The following ZCCHC7 variants were observed in gnomAD, a reference collection of about 807,000 sequenced individuals.
ZCCHC7 encodes the protein zinc finger CCHC domain-containing protein 7.
A neutral mutation model predicts 52.0 loss-of-function variants in ZCCHC7; 35 were observed. The observed-to-expected ratio is 0.67, with a 90% confidence interval of 0.51 to 0.89. The LOEUF is 0.89. ZCCHC7 is among the 40% of genes least tolerant of loss of function. ZCCHC7 has a pLI of 0.00. For synonymous variants in ZCCHC7, 217 were observed against 221.5 expected (o/e 0.98, Z 0.18); for missense variants, 574 against 649.1 (o/e 0.88, Z 1.26).
chr9:37,299,261 C>G (rs925617791), intron 2 of ZCCHC7, among the ~76,000 whole-genome samples: 7 of 152,074 alleles, frequency 4.6e-5, no homozygotes, highest in Admixed American at 4.6e-4. Flanking sequence ...CTCTTTAAGG[C>G]GAATTACCTT....
At chr9:37,351,637 C>T (rs1221280896) in intron 7 of ZCCHC7, among the ~76,000 whole-genome samples, 4 of 152,172 alleles carry the variant, frequency 2.6e-5, no homozygotes, top group East Asian at 1.9e-4. Context: ...ATTATCATCT[C>T]TAGATCTTTT....
chr9:37,177,954 A>G (rs1822134496), intron 2 of ZCCHC7, among the ~76,000 whole-genome samples: 1 of 152,176 alleles, frequency 6.6e-6, no homozygotes, highest in Non-Finnish European at 1.5e-5. Flanking sequence ...AAAACTAAAG[A>G]AATCATGTAT....
chr9:37,159,659 C>A (rs1422527948), intron 2 of ZCCHC7, among the ~76,000 whole-genome samples: 2 of 151,736 alleles, frequency 1.3e-5, no homozygotes, highest in African/African-American at 4.8e-5. Flanking sequence ...CTCCAGAAAT[C>A]TTTGCCGTTC....
chr9:37,199,361 C>T (rs1404206426), intron 2 of ZCCHC7, among the ~76,000 whole-genome samples: 4 of 130,946 alleles, frequency 3.1e-5, no homozygotes, highest in Non-Finnish European at 6.2e-5. Flanking sequence ...GACGGAGCTT[C>T]ACTCTTGTTG....
chr9:37,354,358 A>C lies in ZCCHC7; in HGVS notation c.1084-352A>C, dbSNP rs1821567435. On this transcript the variant is annotated intron_variant, in intron 7 of 8. Coordinates refer to ENST00000336755, the MANE Select transcript of ZCCHC7 (RefSeq NM_032226.3). This position sits in a 1 kb window ranked among gnomAD's most constrained non-coding sequence, Gnocchi z 4.0. Reference sequence around the variant, plus strand: ...AGGCTGTTGGAAGTGATGGACAAGCAAAGGAGTAATACTAACATGAGGCCG... The same window carrying C: ...AGGCTGTTGGAAGTGATGGACAAGCCAAGGAGTAATACTAACATGAGGCCG... Among the ~76,000 whole-genome samples the C allele has an allele frequency of 6.6e-6, 1 of 152,212 alleles. No homozygotes were observed. The highest frequency in any genetic ancestry group is 1.5e-5 in the Non-Finnish European group (1 of 68,042).
At chr9:37,252,432 C>T (rs998943482) in intron 2 of ZCCHC7, among the ~76,000 whole-genome samples, 9 of 152,102 alleles carry the variant, frequency 5.9e-5, no homozygotes, top group Admixed American at 1.3e-4. Flanking sequence ...ATTTAATATA[C>T]TTAATATACT....
chr9:37,209,542 CT>C (rs1230836422), intron 2 of ZCCHC7, among the ~76,000 whole-genome samples: 1 of 152,062 alleles, frequency 6.6e-6, no homozygotes, highest in Admixed American at 6.6e-5. Context: ...TTCTCTCCCC[CT>C]TTTCTTAATG....
At chr9:37,124,342 C>G (rs1450407523) in intron 1 of ZCCHC7, among the ~76,000 whole-genome samples, 1 of 151,694 alleles carries the variant, frequency 6.6e-6, no homozygotes, top group Non-Finnish European at 1.5e-5. Flanking sequence ...AGTCGAAAGA[C>G]AACAGAGAAA....
chr9:37,163,407 A>C (rs1489011593), intron 2 of ZCCHC7, among the ~76,000 whole-genome samples: 1 of 150,176 alleles, frequency 6.7e-6, no homozygotes, highest in East Asian at 1.9e-4. Context: ...AAAAAAAAGA[A>C]AAGAAAAAAA....
At chr9:37,298,675 T>C (rs1828896905) in intron 2 of ZCCHC7, among the ~76,000 whole-genome samples, 1 of 152,180 alleles carries the variant, frequency 6.6e-6, no homozygotes, top group African/African-American at 2.4e-5. Context: ...GATGGAAATG[T>C]TCTACATTTG....
At chr9:37,131,673 G>A (rs1325043720) in intron 2 of ZCCHC7, among the ~76,000 whole-genome samples, 3 of 152,002 alleles carry the variant, frequency 2.0e-5, no homozygotes, top group Non-Finnish European at 4.4e-5. Context: ...AAAGAAAATG[G>A]GCGTACACAT....
At chr9:37,344,195 A>G (rs551315648) in intron 6 of ZCCHC7, among the ~76,000 whole-genome samples, 1 of 152,270 alleles carries the variant, frequency 6.6e-6, no homozygotes, top group Admixed American at 6.5e-5. Context: ...ATTTGCACAA[A>G]CAAACATAAA....
intron 6 of ZCCHC7, among the ~76,000 whole-genome samples, chr9:37,343,001 G>A (rs1466723024): frequency 6.6e-6 from 1 of 151,986 alleles, no homozygotes; most frequent in African/African-American, 2.4e-5. Context: ...CTTTGAATAA[G>A]CCAAACATAA....
At chr9:37,309,531 C>G (rs1829494473) in intron 5 of ZCCHC7, among the ~76,000 whole-genome samples, 1 of 152,170 alleles carries the variant, frequency 6.6e-6, no homozygotes, top group Non-Finnish European at 1.5e-5. Context: ...TCTAGCAATA[C>G]TATCCTCTAC....
chr9:37,233,279 C>T lies in ZCCHC7; in HGVS notation c.611-68909C>T, dbSNP rs1209294979. Among the ~76,000 whole-genome samples, 12 of 152,162 alleles carry T rather than the reference C, an allele frequency of 7.9e-5. No individual in the cohort carries two copies. The South Asian group carries it at 2.1e-3, about 26-fold the overall frequency. ...TTGTATTATTTTATTTTAGTCTTAA[C>T]TTGTAAGGATAGGAATTAAAATAAT... is the stretch of plus-strand genomic sequence containing the variant. On this transcript the variant is annotated intron_variant, in intron 2 of 8. Coordinates refer to ENST00000336755, the MANE Select transcript of ZCCHC7 (RefSeq NM_032226.3).
chr9:37,302,161 T>G (rs1829061038), intron 2 of ZCCHC7, 27 bp from the exon 3 acceptor site: 1 of 1,591,194 alleles, frequency 6.3e-7, no homozygotes. Context: ...AGTGCCACGG[T>G]TAAGTAATAA....
chr9:37,263,207 C>T (rs188868207), intron 2 of ZCCHC7, among the ~76,000 whole-genome samples: 10 of 152,060 alleles, frequency 6.6e-5, no homozygotes, highest in South Asian at 4.2e-4. Context: ...CTATGGGATT[C>T]GCATCAGTTA....
At chr9:37,321,320 G>A (rs1830046371) in intron 5 of ZCCHC7, among the ~76,000 whole-genome samples, 1 of 151,868 alleles carries the variant, frequency 6.6e-6, no homozygotes, top group East Asian at 1.9e-4. Context: ...AAGTAGAGGT[G>A]GGGTCTCGCT....
intron 5 of ZCCHC7, among the ~76,000 whole-genome samples, chr9:37,317,514 C>G (rs1236218930): frequency 6.6e-6 from 1 of 152,030 alleles, no homozygotes; most frequent in Non-Finnish European, 1.5e-5. Flanking sequence ...GAGTTCAAGA[C>G]CAGCCCAGGC....
Sources: gnomAD v4.1 joint callset for allele counts (sites outside exome capture counted in the v4.1 genomes callset) on GRCh38, gnomAD v4.1.1 for gene constraint, Gnocchi (gnomAD v3.1) non-coding constraint, MANE v1.5 for transcripts, NCBI Gene and HGNC (gene_info 2026-07-23, HGNC 2026-07-21) for gene names.